Variants in SPIDR observed in about 807,000 individuals in gnomAD.
The protein encoded by SPIDR is DNA repair-scaffolding protein.
In SPIDR, 93 loss-of-function variants were observed where a neutral mutation model predicts 104.6. That is an observed-to-expected ratio of 0.89 (90% CI 0.75 to 1.06). SPIDR has a LOEUF of 1.06. Among genes scored for constraint, SPIDR ranks in the 50% least tolerant of loss-of-function variants. The pLI is 0.00. For synonymous variants in SPIDR, 431 were observed against 416.9 expected (o/e 1.03, Z -0.41); for missense variants, 1,154 against 1,111.2 (o/e 1.04, Z -0.55).
chr8:47,390,620 C>G (rs374614824), intron 5 of SPIDR, among the ~76,000 whole-genome samples: 1 of 150,054 alleles, frequency 6.7e-6, no homozygotes, highest in Non-Finnish European at 1.5e-5. Flanking sequence ...GAAAAACTTG[C>G]ATCGTGTTAA....
chr8:47,353,708 ATT>A (rs10712418), intron 5 of SPIDR, among the ~76,000 whole-genome samples: 337 of 145,298 alleles, frequency 2.3e-3, no homozygotes, highest in Middle Eastern at 3.5e-3. Context: ...CTATACTGAG[ATT>A]TTTTTTTTTT....
At chr8:47,579,284 C>A (rs978959892) in intron 8 of SPIDR, among the ~76,000 whole-genome samples, 1 of 152,162 alleles carries the variant, frequency 6.6e-6, no homozygotes, top group East Asian at 1.9e-4. Flanking sequence ...ACTGAGATAT[C>A]GTAGCCCTTT....
intron 5 of SPIDR, among the ~76,000 whole-genome samples, chr8:47,379,076 G>A (rs1316200345): frequency 6.6e-6 from 1 of 152,094 alleles, no homozygotes; most frequent in Non-Finnish European, 1.5e-5. Flanking sequence ...AAGGCTGTTA[G>A]GGCAGTATCC....
chr8:47,466,912 T>TAG lies in SPIDR; in HGVS notation c.1097+26371_1097+26372insGA, dbSNP rs1554717609. Among the ~76,000 whole-genome samples, 135 of 113,350 alleles carry TAG rather than the reference T, an allele frequency of 1.2e-3. 3 individuals carry two copies. Among genetic ancestry groups the TAG allele is most frequent in the Middle Eastern group, 8.7e-3 (2 of 230 alleles). The allele number at this position is 113,350 out of a possible 152,430, so 74.4% of individuals were successfully genotyped here. On this transcript the variant is annotated intron_variant, in intron 8 of 19. Coordinates refer to ENST00000297423, the MANE Select transcript of SPIDR (RefSeq NM_001080394.4). ...GAAAAAAAAAAAAAATATATATATA[T>TAG]ATAGATAGATAGATAGATAGATAGA...
intron 14 of SPIDR, among the ~76,000 whole-genome samples, chr8:47,707,854 G>A (rs569752702): frequency 1.9e-4 from 29 of 152,142 alleles, no homozygotes; most frequent in Non-Finnish European, 2.8e-4. Context: ...TTGATATATC[G>A]TCCTTCCTCC....
chr8:47,309,721 T>C (rs922363186), intron 5 of SPIDR, among the ~76,000 whole-genome samples: 1 of 152,318 alleles, frequency 6.6e-6, no homozygotes, highest in Non-Finnish European at 1.5e-5. Context: ...TTAGGAAATA[T>C]TGTTACAACT....
At chr8:47,401,673 G>T (rs1217065620) in intron 6 of SPIDR, among the ~76,000 whole-genome samples, 1 of 152,076 alleles carries the variant, frequency 6.6e-6, no homozygotes, top group African/African-American at 2.4e-5. Flanking sequence ...AAAAAAGCAG[G>T]GGTTGCAATC....
intron 8 of SPIDR, among the ~76,000 whole-genome samples, chr8:47,581,224 T>G (rs1421908683): frequency 1.3e-5 from 2 of 152,156 alleles, no homozygotes; most frequent in Non-Finnish European, 2.9e-5. Flanking sequence ...TCTATGAACT[T>G]GAAGCCCTCT....
At chr8:47,411,749 T>C (rs573201182) in intron 7 of SPIDR, among the ~76,000 whole-genome samples, 2 of 152,318 alleles carry the variant, frequency 1.3e-5, no homozygotes, top group African/African-American at 4.8e-5. Flanking sequence ...TCCTGAATGG[T>C]ATTGCCTAGG....
intron 8 of SPIDR, among the ~76,000 whole-genome samples, chr8:47,577,485 C>A (rs1043807575): frequency 2.0e-5 from 3 of 152,170 alleles, no homozygotes; most frequent in Non-Finnish European, 4.4e-5. Context: ...CTGTGTGGGT[C>A]CACTTGTACA....
intron 5 of SPIDR, among the ~76,000 whole-genome samples, chr8:47,366,239 A>T (rs1403181081): frequency 9.9e-5 from 15 of 152,020 alleles, no homozygotes; most frequent in African/African-American, 3.6e-4. Flanking sequence ...CGTCCCAGGG[A>T]CTGAGGGTGT....
At chr8:47,577,638 CG>C (rs974549228) in intron 8 of SPIDR, among the ~76,000 whole-genome samples, 5 of 152,112 alleles carry the variant, frequency 3.3e-5, no homozygotes, top group African/African-American at 1.2e-4. Context: ...TTTGTATCCG[CG>C]GGGATCCTGG....
At chr8:47,485,794 C>T (rs2077516367) in intron 8 of SPIDR, among the ~76,000 whole-genome samples, 1 of 152,214 alleles carries the variant, frequency 6.6e-6, no homozygotes, top group South Asian at 2.1e-4. Context: ...GCAGAGGGTC[C>T]TGTTACAAGG....
intron 8 of SPIDR, among the ~76,000 whole-genome samples, chr8:47,501,055 A>G (rs1182922575): frequency 6.6e-6 from 1 of 152,134 alleles, no homozygotes; most frequent in Non-Finnish European, 1.5e-5. Context: ...GCCTTGTAGT[A>G]TAGTTTGAAG....
intron 16 of SPIDR, among the ~76,000 whole-genome samples, chr8:47,723,826 T>C (rs1589547251): frequency 6.6e-6 from 1 of 152,300 alleles, no homozygotes; most frequent in East Asian, 1.9e-4. Context: ...ACTGTCCTGC[T>C]TCACAGGTAA....
chr8:47,502,162 A>C (rs986423632), intron 8 of SPIDR, among the ~76,000 whole-genome samples: 1 of 152,188 alleles, frequency 6.6e-6, no homozygotes, highest in Non-Finnish European at 1.5e-5. Context: ...TCATAAAATG[A>C]GTTAGGGACG....
intron 8 of SPIDR, among the ~76,000 whole-genome samples, chr8:47,591,048 G>C (rs1182483634): frequency 6.6e-6 from 1 of 151,886 alleles, no homozygotes; most frequent in African/African-American, 2.4e-5. Context: ...TTTGAAGTGA[G>C]TTTCTTGTAG....
intron 8 of SPIDR, among the ~76,000 whole-genome samples, chr8:47,469,336 C>T (rs1424969626): frequency 6.6e-6 from 1 of 152,138 alleles, no homozygotes; most frequent in African/African-American, 2.4e-5. Flanking sequence ...CAAATCAGAA[C>T]TCTCATTTGA....
chr8:47,323,125 A>T (rs139018695), intron 5 of SPIDR, among the ~76,000 whole-genome samples: 141 of 152,150 alleles, frequency 9.3e-4, no homozygotes, highest in African/African-American at 3.3e-3. Flanking sequence ...AAAGAAAAGT[A>T]AGGTGGATTA....
Sources: allele counts gnomAD v4.1 joint callset (sites outside exome capture counted in the v4.1 genomes callset), GRCh38; gene constraint gnomAD v4.1.1; transcripts MANE v1.5; gene names NCBI Gene and HGNC (gene_info 2026-07-23, HGNC 2026-07-21).